SPTBN1: variants seen among roughly 807,000 people sequenced by gnomAD.
SPTBN1 encodes spectrin beta chain, non-erythrocytic 1.
In SPTBN1, 32 loss-of-function variants were observed where a neutral mutation model predicts 266.4. That is an observed-to-expected ratio of 0.12 (90% confidence interval 0.09 to 0.16). The LOEUF (loss-of-function observed/expected upper bound fraction) is 0.16, where lower values mean the gene tolerates loss of function less well. SPTBN1 is among the 10% of genes least tolerant of loss of function. The probability of loss-of-function intolerance (pLI) is 1.00; values close to 1 mark genes in which losing one functional copy is unlikely to be tolerated. For synonymous variants in SPTBN1, 1,336 were observed against 1,162.2 expected (o/e 1.15, Z -3.04); for missense variants, 2,296 against 3,067.1 (o/e 0.75, Z 5.94).
intron 1 of SPTBN1, among the ~76,000 whole-genome samples, chr2:54,459,612 A>T (rs890983331): frequency 6.7e-6 from 1 of 149,012 alleles, no homozygotes; most frequent in Non-Finnish European, 1.5e-5. Context: ...AATTTTTTTT[A>T]CGTGCAATGA....
intron 2 of SPTBN1, among the ~76,000 whole-genome samples, chr2:54,590,001 T>G (rs1675561138): frequency 6.6e-6 from 1 of 152,260 alleles, no homozygotes; most frequent in Non-Finnish European, 1.5e-5. Flanking sequence ...TTGACCTGAT[T>G]GGGTCATGTT....
chr2:54,468,264 A>T (rs13387187), intron 1 of SPTBN1, among the ~76,000 whole-genome samples: 1 of 151,868 alleles, frequency 6.6e-6, no homozygotes, highest in Non-Finnish European at 1.5e-5. Flanking sequence ...CTGAGACCGC[A>T]CCATTGCGCT....
At chr2:54,654,177 G>A (rs1318644349) in intron 27 of SPTBN1, among the ~76,000 whole-genome samples, 2 of 152,138 alleles carry the variant, frequency 1.3e-5, no homozygotes, top group African/African-American at 2.4e-5. Context: ...AAGTAGCCAC[G>A]TACCTTGGAC....
intron 1 of SPTBN1, among the ~76,000 whole-genome samples, chr2:54,497,580 A>G (rs1028318080): frequency 1.3e-5 from 2 of 152,156 alleles, no homozygotes; most frequent in African/African-American, 4.8e-5. Flanking sequence ...TTAGGTTTTT[A>G]AACTTTGAAC....
intron 1 of SPTBN1, among the ~76,000 whole-genome samples, chr2:54,522,825 C>T (rs1310956005): frequency 6.6e-6 from 1 of 152,048 alleles, no homozygotes; most frequent in Non-Finnish European, 1.5e-5. Flanking sequence ...CTGCAGGAGT[C>T]AGGTGCGGTG....
intron 1 of SPTBN1, among the ~76,000 whole-genome samples, chr2:54,476,864 CTG>C (rs1324075773): frequency 3.9e-5 from 6 of 152,170 alleles, no homozygotes; most frequent in African/African-American, 1.4e-4. Context: ...GGTTACATGC[CTG>C]TGTTGAATCC....
chr2:54,503,607 C>G (rs913928229), intron 1 of SPTBN1, among the ~76,000 whole-genome samples: 2 of 152,236 alleles, frequency 1.3e-5, no homozygotes, highest in African/African-American at 2.4e-5. Flanking sequence ...GATCCATGCT[C>G]TCATCACTGG....
At position 54,649,634 on chromosome 2, in the gene SPTBN1, G is replaced by A. The variant is rs761166602; in HGVS notation, c.5222G>A (p.Arg1741Gln). ...EHVTMLQERFREFARDTGNIG... is the reference protein window; with the variant it reads ...EHVTMLQERFQEFARDTGNIG... ...TTTCAGATGTTACAAGAACGATTCC[G>A]GGAGTTTGCCCGAGACACCGGGAAC... The change falls in exon 26 of 36, where the codon CGG becomes CAG. Residue 1741 changes from arginine (R) to glutamine (Q), a missense_variant. Physicochemically the swap from Arg to Gln is conservative, Grantham distance 43 (BLOSUM62 1). This residue lies in a region of SPTBN1 where 644 missense variants were observed against 745.3 expected (regional missense o/e 0.86). Coordinates refer to ENST00000356805, the MANE Select transcript of SPTBN1 (RefSeq NM_003128.3). This position sits in a 1 kb window ranked among gnomAD's most constrained non-coding sequence, Gnocchi z 6.7. 1.2e-5 allele frequency: 19 copies of A among 1,609,480 alleles called. No individual in the cohort carries two copies. The highest frequency in any genetic ancestry group is 3.3e-5 in the Admixed American group (2 of 59,958).
intron 1 of SPTBN1, among the ~76,000 whole-genome samples, chr2:54,460,347 G>A (rs1460516548): frequency 6.6e-6 from 1 of 152,024 alleles, no homozygotes; most frequent in African/African-American, 2.4e-5. Flanking sequence ...TAAATTATTT[G>A]TTTAATACAA....
chr2:54,598,236 T>C (rs569775470), intron 2 of SPTBN1, among the ~76,000 whole-genome samples: 1 of 152,374 alleles, frequency 6.6e-6, no homozygotes, highest in East Asian at 1.9e-4. Flanking sequence ...CCTGGATGAC[T>C]TGAATGTACA....
chr2:54,518,310 G>C (rs1442051202), intron 1 of SPTBN1, among the ~76,000 whole-genome samples: 2 of 152,006 alleles, frequency 1.3e-5, no homozygotes, highest in African/African-American at 2.4e-5. Context: ...GTCATGGGGT[G>C]GGGAGATGGG....
Position 54,653,927 on chromosome 2 carries a change from C to T in SPTBN1, c.5822+74C>T. The T allele has an allele frequency of 6.4e-7, 1 of 1,568,080 alleles. No individual in the cohort carries two copies. Among genetic ancestry groups the T allele is most frequent in the East Asian group, 2.3e-5 (1 of 44,416 alleles). ...AACACAGGAGTCTTCCAGAGAGAAG[C>T]AGGAGCCTTGAAAGCGTTCCTGCCT... is the stretch of plus-strand genomic sequence containing the variant. On this transcript the variant is annotated intron_variant, in intron 27 of 35. Transcript: ENST00000356805. The surrounding 1 kb of genome is among the most constrained non-coding windows in gnomAD (Gnocchi z 5.1).
Position 54,558,486 on chromosome 2 carries a change from C to T in SPTBN1, c.148+31920C>T, listed in dbSNP as rs1673034981. The T allele has an allele frequency of 8.8e-7, 1 of 1,141,054 alleles. No homozygotes were observed. Among genetic ancestry groups the T allele is most frequent in the East Asian group, 5.0e-5 (1 of 20,076 alleles). 70.7% of individuals were successfully genotyped at this position (1,141,054 alleles called of 1,614,324 possible). ...TAAAAGTTCTGAAGTAGAACCTGCGCCTCCTCTCTGCTTCTCCCTCCTCCT... is the reference window on the plus strand; with the variant it reads ...TAAAAGTTCTGAAGTAGAACCTGCGTCTCCTCTCTGCTTCTCCCTCCTCCT... On this transcript the variant is annotated intron_variant, in intron 2 of 35. Transcript: ENST00000356805. The surrounding 1 kb of genome is among the most constrained non-coding windows in gnomAD (Gnocchi z 4.6).
At position 54,629,576 on chromosome 2, in the gene SPTBN1, T is replaced by A; in HGVS notation, c.2442T>A (p.His814Gln). The A allele has an allele frequency of 6.2e-7, 1 of 1,614,062 alleles. No homozygotes were observed. The highest frequency in any genetic ancestry group is 8.5e-7 in the Non-Finnish European group (1 of 1,180,034). Residue 814 changes from histidine to glutamine, a missense_variant, in exon 14 of 36, where the codon CAT becomes CAA. By Grantham distance (24) the His-to-Gln change is conservative (BLOSUM62 0). This residue lies in a region of SPTBN1 where 434 missense variants were observed against 573.9 expected (regional missense o/e 0.76). Transcript: ENST00000356805. ...HEQASALPQE[H>Q]AESPDVRGRL... ...AAGCCAGCGCCCTCCCCCAGGAGCA[T>A]GCCGAGTCTCCAGACGTGAGGGGCA... is the stretch of plus-strand genomic sequence containing the variant.
chr2:54,583,867 A>G (rs553818512), intron 2 of SPTBN1, among the ~76,000 whole-genome samples: 3 of 152,232 alleles, frequency 2.0e-5, no homozygotes, highest in East Asian at 1.9e-4. Context: ...GTGAACCTCA[A>G]TTCTCTTATC....
chr2:54,597,148 C>T (rs1034876766), intron 2 of SPTBN1, among the ~76,000 whole-genome samples: 1 of 151,954 alleles, frequency 6.6e-6, no homozygotes, highest in Non-Finnish European at 1.5e-5. Flanking sequence ...TTATAATTCA[C>T]AAAAAAAATT....
intron 2 of SPTBN1, chr2:54,529,626 A>C (rs769244043): frequency 2.9e-5 from 21 of 720,048 alleles, no homozygotes; most frequent in African/African-American, 1.7e-5. Flanking sequence ...AAAGACAACA[A>C]CACCCTTGTG....
intron 1 of SPTBN1, among the ~76,000 whole-genome samples, chr2:54,471,983 A>C (rs924706569): frequency 2.2e-5 from 3 of 134,406 alleles, no homozygotes; most frequent in African/African-American, 8.7e-5. Context: ...AAAAATATAT[A>C]GTCTTTGTAG....
chr2:54,666,837 G>C (rs1191043197), intron 34 of SPTBN1, among the ~76,000 whole-genome samples: 1 of 152,242 alleles, frequency 6.6e-6, no homozygotes, highest in Non-Finnish European at 1.5e-5. Context: ...GGCTCCAGAG[G>C]AGAGAGTGTC....
Sources: gnomAD v4.1 joint callset for allele counts (sites outside exome capture counted in the v4.1 genomes callset) on GRCh38, gnomAD v4.1.1 for gene constraint, gnomAD v4.1.1 regional missense constraint, Gnocchi (gnomAD v3.1) non-coding constraint, MANE v1.5 for transcripts, NCBI Gene and HGNC (gene_info 2026-07-23, HGNC 2026-07-21) for gene names.